The following CHI3L2 variants were observed in gnomAD, a reference collection of about 807,000 sequenced individuals.
The protein encoded by CHI3L2 is chitinase-3-like protein 2.
A neutral mutation model predicts 47.3 loss-of-function variants in CHI3L2; 47 were observed. That is an observed-to-expected ratio of 0.99 (90% CI 0.79 to 1.27). CHI3L2 has a LOEUF of 1.27. Among genes scored for constraint, CHI3L2 ranks in the 50% most tolerant of loss-of-function variants. CHI3L2 has a pLI of 0.00. For missense variants in CHI3L2, 497 were observed against 462.1 expected, an observed-to-expected ratio of 1.08 and a Z score of -0.69; for synonymous variants, 198 against 169.9, an observed-to-expected ratio of 1.17 and a Z score of -1.28.
rs575989210 is a variant in CHI3L2 at position 111,229,734 on chromosome 1, C to T, written c.41-118C>T. 73 of 1,399,352 alleles carry T rather than the reference C, an allele frequency of 5.2e-5. No individual in the cohort carries two copies. The South Asian group carries it at 5.6e-4, about 11-fold the overall frequency. 86.7% of individuals were successfully genotyped at this position (1,399,352 alleles called of 1,614,324 possible). ...ACCACAGCAGCTGTGGCTGGGGAGC[C>T]CAGATGAAGTGTGGCTCTATCTTGT... is the stretch of plus-strand genomic sequence containing the variant. On this transcript the variant is annotated intron_variant, in intron 1 of 10. Transcript: ENST00000369748.
At chr1:111,237,344 A>G (rs1260575117) in intron 7 of CHI3L2, among the ~76,000 whole-genome samples, 3 of 152,232 alleles carry the variant, frequency 2.0e-5, no homozygotes, top group Non-Finnish European at 4.4e-5. Flanking sequence ...GTTAGAAGCA[A>G]GATGGAGTCA....
In CHI3L2 at chr1:111,234,954, A is replaced by T; in HGVS notation, c.377A>T (p.Asn126Ile). ...TCTACATCACGCTTGGAATTCATTA[A>T]CTCCATAATCCTGTTTCTGAGGAAC... ...DSSTSRLEFI[N>I]SIILFLRNHN... is the part of the protein sequence containing the mutation. The change falls in exon 5 of 11, where the codon AAC becomes ATC. Residue 126 changes from asparagine to isoleucine, a missense_variant. Physicochemically the swap from Asn to Ile is moderately radical, Grantham distance 149. Coordinates refer to ENST00000369748, the MANE Select transcript of CHI3L2 (RefSeq NM_004000.3). The T allele has an allele frequency of 6.2e-7, 1 of 1,613,918 alleles. No homozygotes were observed. Among genetic ancestry groups the T allele is most frequent in the Non-Finnish European group, 8.5e-7 (1 of 1,179,930 alleles).
rs180927880 is a variant in CHI3L2, at chr1:111,236,138, C to A, written c.720C>A (p.Ser240Arg). ...AGGGGTGGCAGGACAGAGGGCCAAG[C>A]TCCTACTACAATGTGGTGAGTAGGC... is the stretch of plus-strand genomic sequence containing the variant. ...LSKGWQDRGP[S>R]SYYNVEYAVG... The change falls in exon 7 of 11, where the codon AGC becomes AGA. Residue 240 changes from serine to arginine, a missense_variant. By Grantham distance (110) the Ser-to-Arg change is moderately radical. Coordinates refer to ENST00000369748, the MANE Select transcript of CHI3L2 (RefSeq NM_004000.3). 445 of 1,614,198 alleles carry A rather than the reference C, an allele frequency of 2.8e-4. No homozygotes were observed. The highest frequency in any genetic ancestry group is 1.1e-3 in the Admixed American group (64 of 60,022).
chr1:111,241,531 G>T (rs1358965384), intron 9 of CHI3L2, 88 bp downstream of exon 9: 4 of 730,034 alleles, frequency 5.5e-6, no homozygotes, highest in African/African-American at 1.7e-5. Context: ...AAAGAGAGAA[G>T]CTTCTGAGGC....
intron 4 of CHI3L2, among the ~76,000 whole-genome samples, chr1:111,233,026 G>A (rs1659771494): frequency 6.6e-6 from 1 of 152,188 alleles, no homozygotes; most frequent in Non-Finnish European, 1.5e-5. Context: ...CCTGGGTGTG[G>A]GAGGTATTGT....
chr1:111,236,178 G>A lies in CHI3L2; in HGVS notation c.735+25G>A, dbSNP rs767624777. 16 of 1,612,776 alleles carry A rather than the reference G, an allele frequency of 9.9e-6. No individual in the cohort carries two copies. The South Asian group carries it at 1.3e-4, about 13-fold the overall frequency. On this transcript the variant is annotated intron_variant, in intron 7 of 10. Coordinates refer to ENST00000369748, the MANE Select transcript of CHI3L2 (RefSeq NM_004000.3). ...GGTGAGTAGGCCAGGGGAACCGCAG[G>A]GGTACTGGCTGTGGGGGTGGGGCTG...
intron 1 of CHI3L2, among the ~76,000 whole-genome samples, chr1:111,229,493 T>TAA (rs2101543482): frequency 6.6e-6 from 1 of 150,628 alleles, no homozygotes; most frequent in Non-Finnish European, 1.5e-5. Flanking sequence ...CCATCCCGGC[T>TAA]AAAACGGTGA....
At chr1:111,230,485 C>G (rs1659683034) in intron 2 of CHI3L2, among the ~76,000 whole-genome samples, 1 of 152,132 alleles carries the variant, frequency 6.6e-6, no homozygotes, top group Non-Finnish European at 1.5e-5. Context: ...AACTCCTGGG[C>G]TCAAGAAGTC....
At chr1:111,228,947 T>G (rs905212279) in intron 1 of CHI3L2, among the ~76,000 whole-genome samples, 5 of 152,186 alleles carry the variant, frequency 3.3e-5, no homozygotes, top group Admixed American at 3.3e-4. Flanking sequence ...GAGAAGAGAC[T>G]GGGCATAATT....
chr1:111,230,990 G>A, intron 3 of CHI3L2, 47 bp downstream of exon 3: 1 of 1,494,852 alleles, frequency 6.7e-7, no homozygotes, highest in Non-Finnish European at 9.3e-7. Context: ...TTTAGAGGAG[G>A]GAAGCTGGTC....
chr1:111,228,399 C>G (rs1159382685), intron 1 of CHI3L2, among the ~76,000 whole-genome samples: 1 of 152,190 alleles, frequency 6.6e-6, no homozygotes, highest in Non-Finnish European at 1.5e-5. Context: ...TTCACCTTGT[C>G]TTACCCTCTC....
rs766149680 is a variant in CHI3L2, at chr1:111,235,629, T to C, written c.481-10T>C. On this transcript the variant is annotated splice_polypyrimidine_tract_variant and intron_variant, in intron 5 of 10. Coordinates refer to ENST00000369748, the MANE Select transcript of CHI3L2 (RefSeq NM_004000.3). ...GGGAATATTGCACCTCGTTTCTTTGTTTTTCCTAGGAGTTAGCAGAAGCCT... is the reference window on the plus strand; with the variant it reads ...GGGAATATTGCACCTCGTTTCTTTGCTTTTCCTAGGAGTTAGCAGAAGCCT... The C allele has an allele frequency of 3.1e-6, 5 of 1,611,926 alleles. No individual in the cohort carries two copies. Among genetic ancestry groups the C allele is most frequent in the Non-Finnish European group, 4.2e-6 (5 of 1,179,156 alleles).
intron 8 of CHI3L2, among the ~76,000 whole-genome samples, chr1:111,240,375 G>C (rs1053159867): frequency 6.6e-6 from 1 of 152,228 alleles, no homozygotes; most frequent in Non-Finnish European, 1.5e-5. Flanking sequence ...ATCTCAGGGT[G>C]CCTGATACAT....
In CHI3L2 at chr1:111,229,879, G is replaced by T. The variant is rs770072900; in HGVS notation, c.68G>T (p.Gly23Val). ...GTAGTGGTCTTGCTGCTTCTCCAGG[G>T]AGGTAAGTAGTCAATAAGTCACTAC... is the stretch of plus-strand genomic sequence containing the variant. ...AGVVVLLLLQ[G>V]GSAYKLVCYF... The change falls in exon 2 of 11, where the codon GGA (glycine) becomes GTA (valine). Residue 23 changes from glycine (G) to valine (V), a missense_variant and splice_region_variant. By Grantham distance (109) the Gly-to-Val change is moderately radical. Transcript: ENST00000369748. 1.9e-6 allele frequency: 3 copies of T among 1,613,722 alleles called. No individual in the cohort carries two copies. The Admixed American group carries it at 5.0e-5, about 27-fold the overall frequency.
intron 4 of CHI3L2, among the ~76,000 whole-genome samples, chr1:111,234,063 G>T (rs112597784): frequency 0.086 from 12,819 of 149,506 alleles, 633 homozygotes; most frequent in South Asian, 0.14. Flanking sequence ...GCGGAAGGCC[G>T]CAGGGTCCTC....
At chr1:111,231,392 A>G in intron 4 of CHI3L2, 98 bp downstream of exon 4, 1 of 956,030 alleles carries the variant, frequency 1.0e-6, no homozygotes. Context: ...CTAGGCTTTA[A>G]GAGGTTTTCC....
At chr1:111,233,182 A>G (rs944464796) in intron 4 of CHI3L2, among the ~76,000 whole-genome samples, 1 of 152,158 alleles carries the variant, frequency 6.6e-6, no homozygotes, top group African/African-American at 2.4e-5. Context: ...TCTAGTTCAG[A>G]TGAAGCCCTT....
intron 4 of CHI3L2, among the ~76,000 whole-genome samples, chr1:111,233,158 C>T (rs1659776207): frequency 1.3e-5 from 2 of 152,134 alleles, no homozygotes; most frequent in Non-Finnish European, 1.5e-5. Context: ...GAATCAACTT[C>T]ATGGCTTCAG....
chr1:111,243,307 C>A lies in CHI3L2; in HGVS notation c.*93C>A, dbSNP rs8535. 0.27 allele frequency: 122,302 copies of A among 453,778 alleles called. 17,622 individuals carry two copies. The highest frequency in any genetic ancestry group is 0.38 in the Middle Eastern group (1,098 of 2,902). 28.1% of individuals were successfully genotyped at this position (453,778 alleles called of 1,614,324 possible). A position where few individuals can be genotyped will look rare whatever the true frequency, so the allele number is the denominator to read the frequency against. Reference sequence around the variant, plus strand: ...CTCATGTGGGATTCCCCTTGCCAGGCTGGCCTTTGGATCTCTCTTCCAAGC... The same window carrying A: ...CTCATGTGGGATTCCCCTTGCCAGGATGGCCTTTGGATCTCTCTTCCAAGC... On this transcript the variant is annotated 3_prime_UTR_variant, in exon 11 of 11. Coordinates refer to ENST00000369748, the MANE Select transcript of CHI3L2 (RefSeq NM_004000.3).
Sources: allele counts gnomAD v4.1 joint callset (sites outside exome capture counted in the v4.1 genomes callset), GRCh38; gene constraint gnomAD v4.1.1; transcripts MANE v1.5; gene names NCBI Gene and HGNC (gene_info 2026-07-23, HGNC 2026-07-21).